Variants in TMEM132C observed in about 807,000 individuals in gnomAD.
TMEM132C encodes transmembrane protein 132C.
Under a neutral mutation model 61.4 loss-of-function variants are expected in TMEM132C, and 29 were observed. The ratio of observed to expected loss-of-function variants is 0.47; its 90% CI spans 0.35 to 0.64. The LOEUF is 0.64. Among genes scored for constraint, TMEM132C ranks in the 30% least tolerant of loss-of-function variants. The pLI is 0.00. For missense variants in TMEM132C, 1,408 were observed against 1,476.9 expected (o/e 0.95, Z 0.76); for synonymous variants, 656 against 633.1 (o/e 1.04, Z -0.54).
At chr12:128,347,393 GTATGTCTC>G (rs1873193149) in intron 1 of TMEM132C, among the ~76,000 whole-genome samples, 1 of 116,708 alleles carries the variant, frequency 8.6e-6, no homozygotes, top group Non-Finnish European at 1.6e-5. Context: ...GCATGCATAT[GTATGTCTC>G]TCTCTCTCTC....
intron 1 of TMEM132C, among the ~76,000 whole-genome samples, chr12:128,381,436 C>T (rs1874393821): frequency 6.6e-6 from 1 of 152,148 alleles, no homozygotes; most frequent in Non-Finnish European, 1.5e-5. Context: ...ACCCTGGGAG[C>T]CGGTCTTCAG....
intron 1 of TMEM132C, among the ~76,000 whole-genome samples, chr12:128,305,049 T>C (rs1200509567): frequency 1.3e-5 from 2 of 152,052 alleles, no homozygotes; most frequent in East Asian, 3.9e-4. Flanking sequence ...ATGGGGCTAC[T>C]CTCATCCCTT....
intron 2 of TMEM132C, among the ~76,000 whole-genome samples, chr12:128,520,525 A>C (rs571207027): frequency 2.0e-5 from 3 of 152,308 alleles, no homozygotes; most frequent in South Asian, 2.1e-4. Context: ...CAGAGATGGA[A>C]GATATGTATA....
At chr12:128,481,907 G>C (rs1871326419) in intron 2 of TMEM132C, among the ~76,000 whole-genome samples, 1 of 152,186 alleles carries the variant, frequency 6.6e-6, no homozygotes, top group Non-Finnish European at 1.5e-5. Flanking sequence ...AGAAGCCTTT[G>C]CAGAACCCTG....
chr12:128,388,129 T>C (rs1443009434), intron 1 of TMEM132C, among the ~76,000 whole-genome samples: 1 of 152,192 alleles, frequency 6.6e-6, no homozygotes, highest in Admixed American at 6.5e-5. Context: ...TCTGGGCCAG[T>C]GGCTTCCTCT....
chr12:128,653,072 T>C (rs867164372), intron 4 of TMEM132C, among the ~76,000 whole-genome samples: 1 of 152,180 alleles, frequency 6.6e-6, no homozygotes, highest in Non-Finnish European at 1.5e-5. Flanking sequence ...AGTCTATCCA[T>C]ATAATAGAAT....
At chr12:128,635,462 CTT>C (rs372811916) in intron 4 of TMEM132C, among the ~76,000 whole-genome samples, 22 of 130,400 alleles carry the variant, frequency 1.7e-4, no homozygotes, top group South Asian at 2.6e-4. Context: ...TGAGTTTTTT[CTT>C]TTTTTTTTTT....
At chr12:128,664,294 A>G (rs1339728375) in intron 4 of TMEM132C, among the ~76,000 whole-genome samples, 1 of 152,220 alleles carries the variant, frequency 6.6e-6, no homozygotes, top group Non-Finnish European at 1.5e-5. Context: ...TAGTTCACCT[A>G]GAAAATGGCC....
At chr12:128,671,926 G>A (rs1328176494) in intron 5 of TMEM132C, among the ~76,000 whole-genome samples, 1 of 152,102 alleles carries the variant, frequency 6.6e-6, no homozygotes, top group Non-Finnish European at 1.5e-5. Context: ...AGAGGAAAAG[G>A]GGGATGAAGT....
intron 2 of TMEM132C, among the ~76,000 whole-genome samples, chr12:128,536,538 A>AAGAG (rs56346476): frequency 0.61 from 91,815 of 151,124 alleles, 28,418 homozygotes; most frequent in Middle Eastern, 0.69. Flanking sequence ...ATGAAAAAAA[A>AAGAG]AGAGAAGGTG....
intron 3 of TMEM132C, among the ~76,000 whole-genome samples, chr12:128,608,582 G>T (rs2135578713): frequency 6.6e-6 from 1 of 152,154 alleles, no homozygotes; most frequent in Admixed American, 6.5e-5. Context: ...TAGAAATTAG[G>T]AAATAAAGAA....
chr12:128,598,844 G>A (rs907353273), intron 3 of TMEM132C, among the ~76,000 whole-genome samples: 4 of 150,706 alleles, frequency 2.7e-5, no homozygotes, highest in African/African-American at 7.3e-5. Flanking sequence ...TGGGGCTGGG[G>A]TGGGGCTGGG....
chr12:128,569,053 G>A (rs1874790357), intron 3 of TMEM132C, among the ~76,000 whole-genome samples: 1 of 152,204 alleles, frequency 6.6e-6, no homozygotes, highest in Non-Finnish European at 1.5e-5. Context: ...TGACCTGCCA[G>A]TTGAGGACAC....
intron 1 of TMEM132C, among the ~76,000 whole-genome samples, chr12:128,328,786 TAA>T (rs71069557): frequency 0.024 from 2,244 of 94,144 alleles, 64 homozygotes; most frequent in African/African-American, 0.077. Context: ...GATTCTGTCT[TAA>T]AAAAAAAAAA....
chr12:128,546,597 A>G (rs986169743), intron 3 of TMEM132C, among the ~76,000 whole-genome samples: 1 of 152,196 alleles, frequency 6.6e-6, no homozygotes, highest in Non-Finnish European at 1.5e-5. Flanking sequence ...GACTGTGGAC[A>G]AGAGGAAGAT....
intron 1 of TMEM132C, chr12:128,289,125 C>T (rs7971084): frequency 0.25 from 38,102 of 151,550 alleles, 5,901 homozygotes; most frequent in Admixed American, 0.35. Flanking sequence ...TACATATGCT[C>T]GCTAACACAC....
chr12:128,402,219 G>GT (rs949827017), intron 1 of TMEM132C, among the ~76,000 whole-genome samples: 11 of 152,242 alleles, frequency 7.2e-5, no homozygotes, highest in Non-Finnish European at 1.5e-4. Context: ...ACACTTCAGG[G>GT]TTTTTTTGTT....
chr12:128,402,219 GTTTT>G (rs949827017), intron 1 of TMEM132C, among the ~76,000 whole-genome samples: 1 of 152,242 alleles, frequency 6.6e-6, no homozygotes, highest in South Asian at 2.1e-4. Flanking sequence ...ACACTTCAGG[GTTTT>G]TTTGTTTGTT....
Position 128,508,545 on chromosome 12 carries a change from G to A in TMEM132C, c.975-35412G>A, listed in dbSNP as rs141210015. Among the ~76,000 whole-genome samples the A allele has an allele frequency of 3.2e-4, 49 of 152,332 alleles. No individual in the cohort carries two copies. In the East Asian group the frequency reaches 7.7e-3, roughly 24 times the overall value. ...TGGGGTTTGCCTCCTGTCCCCAGCTGTGTGCAGAGCCACTTCCTGCGGCCT... is the reference window on the plus strand; with the variant it reads ...TGGGGTTTGCCTCCTGTCCCCAGCTATGTGCAGAGCCACTTCCTGCGGCCT... On this transcript the variant is annotated intron_variant, in intron 2 of 8. Coordinates refer to ENST00000435159, the MANE Select transcript of TMEM132C (RefSeq NM_001136103.3).
Sources: gnomAD v4.1 joint callset for allele counts (sites outside exome capture counted in the v4.1 genomes callset) on GRCh38, gnomAD v4.1.1 for gene constraint, MANE v1.5 for transcripts, NCBI Gene and HGNC (gene_info 2026-07-23, HGNC 2026-07-21) for gene names.